Variants in ME2 observed in about 807,000 individuals in gnomAD.
The protein encoded by ME2 is malic enzyme 2.
Under a neutral mutation model 73.7 loss-of-function variants are expected in ME2, and 60 were observed. The ratio of observed to expected loss-of-function variants is 0.81; its 90% CI spans 0.66 to 1.01. The LOEUF (loss-of-function observed/expected upper bound fraction) is 1.01, where lower values mean the gene tolerates loss of function less well. Ranked by LOEUF, ME2 falls within the 50% of genes least tolerant of loss-of-function variation. ME2 has a pLI of 0.00. For synonymous variants in ME2, 199 were observed against 236.9 expected (o/e 0.84, Z 1.47); for missense variants, 594 against 705.5 (o/e 0.84, Z 1.79).
At chr18:50,939,967 G>C in intron 14 of ME2, 3 of 416,754 alleles carry the variant, frequency 7.2e-6, no homozygotes, top group Non-Finnish European at 1.3e-5. Context: ...CTGGCCTATG[G>C]GAGCTCCAGA....
intron 1 of ME2, among the ~76,000 whole-genome samples, chr18:50,887,004 G>C (rs1312378165): frequency 6.6e-6 from 1 of 151,824 alleles, no homozygotes; most frequent in Non-Finnish European, 1.5e-5. Context: ...GTCGCAAAAA[G>C]AAAAAAGAAA....
Position 50,950,476 on chromosome 18 carries a change from T to TCTTTTTTTTTC in ME2, c.*3292_*3293insCTTTTTTTTTC, listed in dbSNP as rs892899863. The TCTTTTTTTTTC allele has an allele frequency of 7.6e-6, 1 of 132,026 alleles. No individual in the cohort carries two copies. The highest frequency in any genetic ancestry group is 1.6e-5 in the Non-Finnish European group (1 of 61,292). The allele number at this position is 132,026 out of a possible 1,614,324, so 8.2% of individuals were successfully genotyped here. ...GGGGCCTCAGATTCTGCTTTTTTTT[T>TCTTTTTTTTTC]TTTTTTTTTTTTTTTTTTTAAACAG... On this transcript the variant is annotated 3_prime_UTR_variant, in exon 16 of 16. Transcript: ENST00000321341.
At chr18:50,907,765 A>G (rs1191808795) in intron 2 of ME2, among the ~76,000 whole-genome samples, 3 of 152,206 alleles carry the variant, frequency 2.0e-5, no homozygotes, top group African/African-American at 7.2e-5. Context: ...TTTCTCTAGA[A>G]TGGCTCCCTG....
Position 50,940,144 on chromosome 18 carries a change from CA to C in ME2, c.1489-143del. 2 of 643,064 alleles carry C rather than the reference CA, an allele frequency of 3.1e-6. 1 individual carries two copies. Among genetic ancestry groups the C allele is most frequent in the Middle Eastern group, 5.2e-4 (2 of 3,862 alleles). The allele number at this position is 643,064 out of a possible 1,614,324, so 39.8% of individuals were successfully genotyped here. On this transcript the variant is annotated intron_variant, in intron 14 of 15. Transcript: ENST00000321341. Reference sequence around the variant, plus strand: ...TAGTGATGAACAGTTTTAATTTCTGCAGTGGTTTAAGTGTATTCCTTCAAGA... The same window carrying C: ...TAGTGATGAACAGTTTTAATTTCTGCGTGGTTTAAGTGTATTCCTTCAAGA...
Position 50,926,651 on chromosome 18 carries a change from A to G in ME2, c.1314+753A>G, listed in dbSNP as rs554848121. Among the ~76,000 whole-genome samples, 11 of 152,260 alleles carry G rather than the reference A, an allele frequency of 7.2e-5. No homozygotes were observed. The East Asian group carries it at 1.9e-3, about 27-fold the overall frequency. On this transcript the variant is annotated intron_variant, in intron 12 of 15. Transcript: ENST00000321341. ...GGACTCTAATTATATGGTTAGAGAT[A>G]TATCTCATTTATCTTTTACACTGTT...
intron 1 of ME2, among the ~76,000 whole-genome samples, chr18:50,892,431 T>G (rs908861273): frequency 1.3e-5 from 2 of 152,224 alleles, no homozygotes; most frequent in African/African-American, 4.8e-5. Flanking sequence ...TGGAATTGCC[T>G]TAGAACTGTG....
In ME2 at chr18:50,947,172, G is replaced by A. The variant is rs367713467; in HGVS notation, c.1743G>A (p.Val581=). ...EWPESASSPP[V]ITE ...CAGAATCTGCATCAAGCCCTCCTGT[G>A]ATAACAGAATAGAAGCACTCCCCTG... Residue 581 remains valine (V), a synonymous_variant, in exon 16 of 16, where the codon GTG becomes GTA. Transcript: ENST00000321341. 3 of 1,612,894 alleles carry A rather than the reference G, an allele frequency of 1.9e-6. No homozygotes were observed. The highest frequency in any genetic ancestry group is 1.9e-4 in the Middle Eastern group (1 of 5,264).
At chr18:50,932,428 TTGGAA>T in intron 13 of ME2, 68 bp downstream of exon 13, 5 of 1,287,442 alleles carry the variant, frequency 3.9e-6, no homozygotes, top group Non-Finnish European at 5.6e-6. Flanking sequence ...ATGGAATTCT[TTGGAA>T]TGGGAGACTG....
rs1918137004 is a variant in ME2 at position 50,948,300 on chromosome 18, G to A, written c.*1116G>A. ...ATGCCTTTTTTAATCCCAGTAAAATGGGTAATAATGGCTATCCAGAACAGT... is the reference window on the plus strand; with the variant it reads ...ATGCCTTTTTTAATCCCAGTAAAATAGGTAATAATGGCTATCCAGAACAGT... On this transcript the variant is annotated 3_prime_UTR_variant, in exon 16 of 16. Transcript: ENST00000321341. 6.6e-6 allele frequency: 1 copy of A among 152,110 alleles called. No homozygotes were observed. Among genetic ancestry groups the A allele is most frequent in the African/African-American group, 2.4e-5 (1 of 41,418 alleles). 9.4% of individuals were successfully genotyped at this position (152,110 alleles called of 1,614,324 possible). A position where few individuals can be genotyped will look rare whatever the true frequency, so the allele number is the denominator to read the frequency against.
chr18:50,940,435 T>C (rs202037725), intron 15 of ME2, 49 bp downstream of exon 15: 1 of 1,228,020 alleles, frequency 8.1e-7, no homozygotes, highest in East Asian at 2.4e-5. Flanking sequence ...GACATTTTCT[T>C]ATACAAGAAA....
At chr18:50,901,709 A>T (rs1016388000) in intron 2 of ME2, among the ~76,000 whole-genome samples, 1 of 152,226 alleles carries the variant, frequency 6.6e-6, no homozygotes, top group African/African-American at 2.4e-5. Context: ...ACTCTAAACT[A>T]TGTACATAGC....
Position 50,951,547 on chromosome 18 carries a change from CTTT to C in ME2, c.*4378_*4380del, listed in dbSNP as rs36058911. 16 of 136,102 alleles carry C rather than the reference CTTT, an allele frequency of 1.2e-4. No homozygotes were observed. The highest frequency in any genetic ancestry group is 2.2e-4 in the Admixed American group (3 of 13,542). The allele number at this position is 136,102 out of a possible 1,614,324, so 8.4% of individuals were successfully genotyped here. ...TCTCTTCTTTGACGTGTTACGTTGTCTTTTTTTTTTTTTTTTTAACTTCTTCAT... is the reference window on the plus strand; with the variant it reads ...TCTCTTCTTTGACGTGTTACGTTGTCTTTTTTTTTTTTTTAACTTCTTCAT... On this transcript the variant is annotated 3_prime_UTR_variant, in exon 16 of 16. Coordinates refer to ENST00000321341, the MANE Select transcript of ME2 (RefSeq NM_002396.5).
At chr18:50,912,532 G>T (rs960117975) in intron 3 of ME2, among the ~76,000 whole-genome samples, 4 of 152,152 alleles carry the variant, frequency 2.6e-5, no homozygotes, top group African/African-American at 9.7e-5. Flanking sequence ...CTTCTACAGA[G>T]CCTGACCCAC....
In ME2 at chr18:50,938,138, G is replaced by A. The variant is rs141447379; in HGVS notation, c.1418-1432G>A. On this transcript the variant is annotated intron_variant, in intron 13 of 15. Coordinates refer to ENST00000321341, the MANE Select transcript of ME2 (RefSeq NM_002396.5). ...AGTCCAGAAGTTTGAAACCAGCCTG[G>A]GCAACATAGTAAAACCCTGTCTCTA... Among the ~76,000 whole-genome samples the A allele has an allele frequency of 4.6e-3, 698 of 152,114 alleles. 19 individuals are homozygous for A. In the East Asian group the frequency reaches 0.074, roughly 16 times the overall value.
chr18:50,902,585 C>T (rs695024), intron 2 of ME2, among the ~76,000 whole-genome samples: 19,535 of 152,046 alleles, frequency 0.13, 1,721 homozygotes, highest in African/African-American at 0.26. Context: ...TTGGTAGAGA[C>T]GGGGTTTCAG....
At chr18:50,903,699 C>T (rs535233528) in intron 2 of ME2, among the ~76,000 whole-genome samples, 1 of 152,188 alleles carries the variant, frequency 6.6e-6, no homozygotes, top group Non-Finnish European at 1.5e-5. Flanking sequence ...TCTATCCGTG[C>T]TGGCATCCCA....
chr18:50,887,977 G>A (rs1916514383), intron 1 of ME2, among the ~76,000 whole-genome samples: 1 of 152,164 alleles, frequency 6.6e-6, no homozygotes, highest in South Asian at 2.1e-4. Context: ...TAATTGAAGT[G>A]AAAAGATGGA....
At chr18:50,885,328 C>T (rs1396489168) in intron 1 of ME2, among the ~76,000 whole-genome samples, 1 of 152,126 alleles carries the variant, frequency 6.6e-6, no homozygotes, top group Non-Finnish European at 1.5e-5. Context: ...CAAGACCAGC[C>T]TGGGCAACAT....
chr18:50,914,576 A>G (rs1180621546), intron 4 of ME2, among the ~76,000 whole-genome samples: 1 of 152,192 alleles, frequency 6.6e-6, no homozygotes, highest in Non-Finnish European at 1.5e-5. Flanking sequence ...TGGTCATTAA[A>G]TCTTGATTGG....
Sources: allele counts gnomAD v4.1 joint callset (sites outside exome capture counted in the v4.1 genomes callset), GRCh38; gene constraint gnomAD v4.1.1; transcripts MANE v1.5; gene names NCBI Gene and HGNC (gene_info 2026-07-23, HGNC 2026-07-21).